The following SREK1IP1 variants were observed in gnomAD, a reference collection of about 807,000 sequenced individuals.
SREK1IP1 encodes the protein protein SREK1IP1.
In SREK1IP1, 12 loss-of-function variants were observed where a neutral mutation model predicts 22.8. The observed-to-expected ratio is 0.53, with a 90% CI of 0.34 to 0.85. SREK1IP1 has a LOEUF of 0.85. Ranked by LOEUF, SREK1IP1 falls within the 40% of genes least tolerant of loss-of-function variation. SREK1IP1 has a pLI of 0.02. For synonymous variants in SREK1IP1, 53 were observed against 52.7 expected (o/e 1.01, Z -0.02); for missense variants, 147 against 171.8 (o/e 0.86, Z 0.81).
At chr5:64,746,647 C>T (rs970566126) in intron 2 of SREK1IP1, among the ~76,000 whole-genome samples, 1 of 152,146 alleles carries the variant, frequency 6.6e-6, no homozygotes, top group African/African-American at 2.4e-5. Context: ...CCACTTCATA[C>T]CTATGAGGAT....
rs772485731 is a variant in SREK1IP1, at chr5:64,724,444, C to CT, written c.407dup (p.Lys137GlufsTer12). On this transcript the variant is annotated frameshift_variant, in exon 5 of 5. Coordinates refer to ENST00000513458, the MANE Select transcript of SREK1IP1 (RefSeq NM_173829.4). LOFTEE classifies it high-confidence loss of function. ...AAGAATGCTTTTCCTTTTTTCTCTT[C>CT]TTTTTTTCCTTTTTGTGATGTTTCC... 2 of 1,586,458 alleles carry CT rather than the reference C, an allele frequency of 1.3e-6. No homozygotes were observed. Among genetic ancestry groups the CT allele is most frequent in the Admixed American group, 1.9e-5 (1 of 52,636 alleles).
At chr5:64,761,398 T>C (rs1742950246) in intron 1 of SREK1IP1, among the ~76,000 whole-genome samples, 2 of 152,200 alleles carry the variant, frequency 1.3e-5, no homozygotes, top group South Asian at 4.1e-4. Flanking sequence ...GAGAAATGTG[T>C]TGTTAGGCAC....
intron 1 of SREK1IP1, among the ~76,000 whole-genome samples, chr5:64,767,724 C>A (rs191325558): frequency 1.3e-5 from 2 of 151,950 alleles, no homozygotes; most frequent in Non-Finnish European, 2.9e-5. Flanking sequence ...TACTAAAGTG[C>A]GCTGGGAATT....
chr5:64,748,308 T>C (rs780101281), intron 2 of SREK1IP1, among the ~76,000 whole-genome samples: 2 of 151,722 alleles, frequency 1.3e-5, no homozygotes, highest in Non-Finnish European at 2.9e-5. Context: ...TTCACAGGGA[T>C]AGGTTAATAA....
intron 2 of SREK1IP1, among the ~76,000 whole-genome samples, chr5:64,743,743 ATTACT>A (rs940019227): frequency 2.6e-5 from 4 of 152,312 alleles, no homozygotes; most frequent in Non-Finnish European, 2.9e-5. Flanking sequence ...TTTGAAGATC[ATTACT>A]TTATCTTTTT....
chr5:64,754,070 C>T (rs984710265), intron 2 of SREK1IP1, among the ~76,000 whole-genome samples: 2 of 152,190 alleles, frequency 1.3e-5, no homozygotes, highest in Non-Finnish European at 2.9e-5. Flanking sequence ...CTACTACTAA[C>T]CACCTGTATC....
At chr5:64,750,042 G>A (rs933830628) in intron 2 of SREK1IP1, among the ~76,000 whole-genome samples, 2 of 151,958 alleles carry the variant, frequency 1.3e-5, no homozygotes, top group Admixed American at 6.6e-5. Flanking sequence ...CCCATTCATT[G>A]AAATTTTTTG....
rs1561381336 is a variant in SREK1IP1 at position 64,722,575 on chromosome 5, C to A, written c.*1809G>T. 1 of 152,000 alleles carries A rather than the reference C, an allele frequency of 6.6e-6. No homozygotes were observed. The highest frequency in any genetic ancestry group is 2.4e-5 in the African/African-American group (1 of 41,388). The allele number at this position is 152,000 out of a possible 1,614,324, so 9.4% of individuals were successfully genotyped here. A position where few individuals can be genotyped will look rare whatever the true frequency, so the allele number is the denominator to read the frequency against. On this transcript the variant is annotated 3_prime_UTR_variant, in exon 5 of 5. Transcript: ENST00000513458. ...TTTAAAAAAGCTTTATATTAAAAAC[C>A]GATTTTTAAAATCTTGATAATCGAA...
At chr5:64,740,910 T>C in intron 3 of SREK1IP1, 147 bp downstream of exon 3, 1 of 696,680 alleles carries the variant, frequency 1.4e-6, no homozygotes, top group Non-Finnish European at 2.3e-6. Flanking sequence ...CTTAGGCAAA[T>C]AACTTACAAT....
chr5:64,732,494 A>G (rs1000327018), intron 3 of SREK1IP1, among the ~76,000 whole-genome samples: 1 of 152,228 alleles, frequency 6.6e-6, no homozygotes, highest in Non-Finnish European at 1.5e-5. Flanking sequence ...AAAAAAGTAT[A>G]TAAAAGATGT....
chr5:64,768,613 T>C lies in SREK1IP1; in HGVS notation c.-96A>G, dbSNP rs1185568504. The C allele has an allele frequency of 1.8e-5, 29 of 1,582,386 alleles. No individual in the cohort carries two copies. Among genetic ancestry groups the C allele is most frequent in the Non-Finnish European group, 2.5e-5 (29 of 1,154,694 alleles). On this transcript the variant is annotated 5_prime_UTR_variant, in exon 1 of 5. Transcript: ENST00000513458. ...ACAAGGCACAGTCAAAGCGGCGTTTTCCTTCCCCCAGCGCAGCAGCACCCT... is the reference window on the plus strand; with the variant it reads ...ACAAGGCACAGTCAAAGCGGCGTTTCCCTTCCCCCAGCGCAGCAGCACCCT...
At chr5:64,755,375 C>G (rs1488937740) in intron 1 of SREK1IP1, among the ~76,000 whole-genome samples, 1 of 152,270 alleles carries the variant, frequency 6.6e-6, no homozygotes, top group East Asian at 1.9e-4. Context: ...TACTATGAAG[C>G]CATAAAAAAG....
chr5:64,752,539 T>C lies in SREK1IP1; in HGVS notation c.61+1776A>G, dbSNP rs1742767064. ...ATTTAATAATATATTCAAACTTAAC[T>C]CAAAACTTTAAAAAACAATATATTC... On this transcript the variant is annotated intron_variant, in intron 2 of 4. Transcript: ENST00000513458. Among the ~76,000 whole-genome samples, 5 of 152,156 alleles carry C rather than the reference T, an allele frequency of 3.3e-5. No homozygotes were observed. The South Asian group carries it at 1.0e-3, about 32-fold the overall frequency.
At chr5:64,744,060 G>T (rs1380310348) in intron 2 of SREK1IP1, among the ~76,000 whole-genome samples, 3 of 152,234 alleles carry the variant, frequency 2.0e-5, no homozygotes, top group Admixed American at 1.3e-4. Context: ...CGGGCAAGTG[G>T]ACACAAGCAT....
intron 2 of SREK1IP1, among the ~76,000 whole-genome samples, chr5:64,742,180 C>T (rs956789560): frequency 2.0e-5 from 3 of 152,016 alleles, no homozygotes; most frequent in Non-Finnish European, 4.4e-5. Context: ...TTTATCTAAT[C>T]GATAATGTTC....
Position 64,732,091 on chromosome 5 carries a change from G to A in SREK1IP1, c.206-3912C>T, listed in dbSNP as rs535324748. 6.6e-5 allele frequency among the ~76,000 whole-genome samples: 10 copies of A among 152,186 alleles called. No homozygotes were observed. The South Asian group carries it at 1.0e-3, about 16-fold the overall frequency. ...ACTTATCTCTATTTCTAGTATCCAC[G>A]ATTTTGTCAGTTATGCCAACAGCTT... On this transcript the variant is annotated intron_variant, in intron 3 of 4. Coordinates refer to ENST00000513458, the MANE Select transcript of SREK1IP1 (RefSeq NM_173829.4).
At chr5:64,767,305 T>C (rs1048373972) in intron 1 of SREK1IP1, among the ~76,000 whole-genome samples, 1 of 152,220 alleles carries the variant, frequency 6.6e-6, no homozygotes, top group Non-Finnish European at 1.5e-5. Flanking sequence ...GTATTTTCCT[T>C]GCCATGGCAC....
rs1322099521 is a variant in SREK1IP1 at position 64,719,380 on chromosome 5, A to G, written c.*5004T>C. Reference sequence around the variant, plus strand: ...GTATATGTTAAGTTTGAAAATTAAGACATTTCCATTATAAAAATGACATTT... The same window carrying G: ...GTATATGTTAAGTTTGAAAATTAAGGCATTTCCATTATAAAAATGACATTT... On this transcript the variant is annotated 3_prime_UTR_variant, in exon 5 of 5. Coordinates refer to ENST00000513458, the MANE Select transcript of SREK1IP1 (RefSeq NM_173829.4). The G allele has an allele frequency of 6.6e-6, 1 of 152,200 alleles. No individual in the cohort carries two copies. Among genetic ancestry groups the G allele is most frequent in the Non-Finnish European group, 1.5e-5 (1 of 68,028 alleles). The allele number at this position is 152,200 out of a possible 1,614,324, so 9.4% of individuals were successfully genotyped here. A position where few individuals can be genotyped will look rare whatever the true frequency, so the allele number is the denominator to read the frequency against.
At chr5:64,728,716 C>CA (rs994252314) in intron 3 of SREK1IP1, among the ~76,000 whole-genome samples, 1 of 151,894 alleles carries the variant, frequency 6.6e-6, no homozygotes, top group Non-Finnish European at 1.5e-5. Context: ...TATTTTGCAG[C>CA]TTTTTTTTCA....
Sources: allele counts gnomAD v4.1 joint callset (sites outside exome capture counted in the v4.1 genomes callset), GRCh38; gene constraint gnomAD v4.1.1; transcripts MANE v1.5; gene names NCBI Gene and HGNC (gene_info 2026-07-23, HGNC 2026-07-21).